AATF: variants seen among roughly 807,000 people sequenced by gnomAD.
The protein encoded by AATF is apoptosis antagonizing transcription factor.
In AATF, 48 loss-of-function variants were observed where a neutral mutation model predicts 63.7. That is an observed-to-expected ratio of 0.75 (90% CI 0.60 to 0.96). The LOEUF (loss-of-function observed/expected upper bound fraction) is 0.96. AATF is among the 40% of genes least tolerant of loss of function. The pLI is 0.00. For missense variants in AATF, 639 were observed against 685.7 expected (o/e 0.93, Z 0.76); for synonymous variants, 258 against 247.7 (o/e 1.04, Z -0.39).
At chr17:37,014,318 T>A (rs948727796) in intron 8 of AATF, among the ~76,000 whole-genome samples, 1 of 150,652 alleles carries the variant, frequency 6.6e-6, no homozygotes, top group Admixed American at 6.6e-5. Flanking sequence ...GTATATGGAA[T>A]TTGAGTCTGG....
chr17:37,032,503 G>A (rs1386668618), intron 11 of AATF, among the ~76,000 whole-genome samples: 8 of 152,114 alleles, frequency 5.3e-5, no homozygotes, highest in Non-Finnish European at 1.0e-4. Flanking sequence ...TTTCTTGAAG[G>A]AGCCCTGGCT....
intron 10 of AATF, among the ~76,000 whole-genome samples, chr17:37,025,465 T>C (rs1179078899): frequency 6.6e-6 from 1 of 151,978 alleles, no homozygotes; most frequent in Non-Finnish European, 1.5e-5. Context: ...GAGGAGCCCA[T>C]AAAGAATGCT....
At chr17:36,982,233 GT>G (rs61030839) in intron 4 of AATF, among the ~76,000 whole-genome samples, 31,493 of 121,488 alleles carry the variant, frequency 0.26, 3,519 homozygotes, top group African/African-American at 0.4. Flanking sequence ...TTTTTGTTTT[GT>G]TTTTTTTTTT....
At chr17:37,036,189 C>T (rs2071590818) in intron 11 of AATF, among the ~76,000 whole-genome samples, 1 of 152,214 alleles carries the variant, frequency 6.6e-6, no homozygotes, top group Admixed American at 6.5e-5. Context: ...TTACCCACAT[C>T]TGGAAGTAGA....
At chr17:37,010,593 A>T (rs991917238) in intron 8 of AATF, among the ~76,000 whole-genome samples, 1 of 152,178 alleles carries the variant, frequency 6.6e-6, no homozygotes, top group East Asian at 1.9e-4. Context: ...CAGCAAGGGG[A>T]GGAGGTAGAC....
chr17:36,969,432 T>G (rs1020758888), intron 4 of AATF, among the ~76,000 whole-genome samples: 1 of 152,198 alleles, frequency 6.6e-6, no homozygotes, highest in Admixed American at 6.5e-5. Context: ...CTCTAAATTT[T>G]GTCTAAATAA....
intron 11 of AATF, among the ~76,000 whole-genome samples, chr17:37,048,862 C>T (rs895363281): frequency 2.0e-5 from 3 of 151,960 alleles, no homozygotes; most frequent in South Asian, 4.2e-4. Context: ...TCACTGATAC[C>T]GAGTAGGATG....
intron 8 of AATF, among the ~76,000 whole-genome samples, chr17:37,004,038 G>A (rs1237525069): frequency 6.6e-6 from 1 of 152,058 alleles, no homozygotes; most frequent in Non-Finnish European, 1.5e-5. Flanking sequence ...CCAGGAGGTA[G>A]AGGTTGCAGA....
chr17:37,007,212 G>A (rs1048950391), intron 8 of AATF, among the ~76,000 whole-genome samples: 4 of 152,144 alleles, frequency 2.6e-5, no homozygotes, highest in African/African-American at 9.6e-5. Flanking sequence ...TTTTGAAATA[G>A]GGTCTCACTC....
chr17:37,008,088 G>T (rs1467225399), intron 8 of AATF, among the ~76,000 whole-genome samples: 1 of 152,132 alleles, frequency 6.6e-6, no homozygotes. Context: ...TCAGTAGAAA[G>T]GAAAATTGAA....
intron 4 of AATF, among the ~76,000 whole-genome samples, chr17:36,957,208 C>T: frequency 6.6e-6 from 1 of 152,162 alleles, no homozygotes; most frequent in East Asian, 1.9e-4. Context: ...AATGGATTAG[C>T]CATGTGACCT....
chr17:37,046,287 G>T (rs1016275469), intron 11 of AATF, among the ~76,000 whole-genome samples: 1 of 152,138 alleles, frequency 6.6e-6, no homozygotes, highest in Admixed American at 6.5e-5. Context: ...CCTTCACGCG[G>T]AGGAGACCAT....
At chr17:36,977,110 T>G (rs903740556) in intron 4 of AATF, among the ~76,000 whole-genome samples, 1 of 152,232 alleles carries the variant, frequency 6.6e-6, no homozygotes, top group Admixed American at 6.5e-5. Flanking sequence ...ACATTTTGTT[T>G]GTCAGCATTT....
chr17:37,049,457 T>A lies in AATF; in HGVS notation c.1620-7144T>A, dbSNP rs368254897. Among the ~76,000 whole-genome samples the A allele has an allele frequency of 5.5e-4, 84 of 152,036 alleles. No homozygotes were observed. The East Asian group carries it at 0.015, about 26-fold the overall frequency. ...GTGTACTAAAAATACAAAAAAAAGT[T>A]AGCCAGGCGTGGTGGCGGGCACCTG... On this transcript the variant is annotated intron_variant, in intron 11 of 11. Coordinates refer to ENST00000619387, the MANE Select transcript of AATF (RefSeq NM_012138.4).
chr17:36,952,439 G>T (rs778707966), intron 2 of AATF, among the ~76,000 whole-genome samples: 3 of 152,246 alleles, frequency 2.0e-5, no homozygotes, highest in Non-Finnish European at 2.9e-5. Flanking sequence ...GGATGTGATA[G>T]ATTGTACATT....
rs751492754 is a variant in AATF at position 36,953,175 on chromosome 17, C to A, written c.573C>A (p.Gly191=). Residue 191 remains glycine, a synonymous_variant, in exon 3 of 12, where the codon GGC becomes GGA. Transcript: ENST00000619387. ...EEGDDAEDSQ[G]ESEEDRAGDR... ...GGGATGACGCGGAAGACTCCCAAGG[C>A]GAGAGTGAGGAAGACAGGGCTGGAG... The A allele has an allele frequency of 8.7e-6, 14 of 1,613,890 alleles. No individual in the cohort carries two copies. In the South Asian group the frequency reaches 1.2e-4, roughly 14 times the overall value.
intron 11 of AATF, among the ~76,000 whole-genome samples, chr17:37,053,064 C>G (rs1300754632): frequency 6.6e-6 from 1 of 152,128 alleles, no homozygotes; most frequent in Non-Finnish European, 1.5e-5. Flanking sequence ...TCATTCCTAT[C>G]TGCTTGTTTA....
rs539661616 is a variant in AATF at position 37,003,748 on chromosome 17, C to T, written c.1398+12891C>T. ...TCCCAAAGTGCTGGGATTACAGGTG[C>T]GAGCCACCATGTCTGACCAACAAGA... On this transcript the variant is annotated intron_variant, in intron 8 of 11. Coordinates refer to ENST00000619387, the MANE Select transcript of AATF (RefSeq NM_012138.4). Among the ~76,000 whole-genome samples, 16 of 150,506 alleles carry T rather than the reference C, an allele frequency of 1.1e-4. No homozygotes were observed. In the South Asian group the frequency reaches 1.5e-3, roughly 14 times the overall value.
At chr17:36,999,049 C>T (rs757147332) in intron 8 of AATF, 19 of 152,076 alleles carry the variant, frequency 1.2e-4, no homozygotes, top group Admixed American at 2.6e-4. Flanking sequence ...AAAGGCCTTA[C>T]GAGGCACTAT....
Sources: allele counts gnomAD v4.1 joint callset (sites outside exome capture counted in the v4.1 genomes callset), GRCh38; gene constraint gnomAD v4.1.1; transcripts MANE v1.5; gene names NCBI Gene and HGNC (gene_info 2026-07-23, HGNC 2026-07-21).